The following ITGB3BP variants were observed in gnomAD, a reference collection of about 807,000 sequenced individuals.
ITGB3BP encodes the protein centromere protein R.
A neutral mutation model predicts 29.1 loss-of-function variants in ITGB3BP; 27 were observed. The ratio of observed to expected loss-of-function variants is 0.93; its 90% CI spans 0.68 to 1.28. ITGB3BP has a LOEUF of 1.28. Among genes scored for constraint, ITGB3BP ranks in the 50% most tolerant of loss-of-function variants. The pLI, the probability that ITGB3BP is intolerant of heterozygous loss-of-function variation, is 0.00. For synonymous variants in ITGB3BP, 61 were observed against 61.4 expected, an observed-to-expected ratio of 0.99 and a Z score of 0.03; for missense variants, 192 against 200.2, an observed-to-expected ratio of 0.96 and a Z score of 0.25.
chr1:63,493,088 A>ACACGCGCGCGCG (rs372348238), intron 2 of ITGB3BP, among the ~76,000 whole-genome samples: 237 of 148,820 alleles, frequency 1.6e-3, no homozygotes, highest in Admixed American at 3.8e-3. Context: ...ACACACACAC[A>ACACGCGCGCGCG]CGCGCGCGCG....
At chr1:63,503,517 T>G (rs1217201360) in intron 2 of ITGB3BP, among the ~76,000 whole-genome samples, 1 of 152,244 alleles carries the variant, frequency 6.6e-6, no homozygotes. Flanking sequence ...TTAGTTTAAT[T>G]AGATCCCATT....
intron 2 of ITGB3BP, among the ~76,000 whole-genome samples, chr1:63,494,344 C>T (rs1305699528): frequency 6.6e-6 from 1 of 152,166 alleles, no homozygotes; most frequent in Non-Finnish European, 1.5e-5. Flanking sequence ...GTCTCCAACT[C>T]CTGACCTCAA....
intron 7 of ITGB3BP, among the ~76,000 whole-genome samples, chr1:63,453,354 G>A (rs1644888140): frequency 6.6e-6 from 1 of 152,128 alleles, no homozygotes; most frequent in Non-Finnish European, 1.5e-5. Flanking sequence ...TCCTGTATTA[G>A]TCTAAAGGTT....
chr1:63,509,183 C>G (rs1646145053), intron 1 of ITGB3BP, among the ~76,000 whole-genome samples: 1 of 152,180 alleles, frequency 6.6e-6, no homozygotes, highest in Non-Finnish European at 1.5e-5. Flanking sequence ...GCCAGGCTCT[C>G]TGTGTGCAAA....
intron 3 of ITGB3BP, among the ~76,000 whole-genome samples, chr1:63,489,752 A>C (rs1171161264): frequency 6.6e-6 from 1 of 152,084 alleles, no homozygotes; most frequent in East Asian, 1.9e-4. Context: ...CAGCACCTGA[A>C]TTATGCTCCC....
At chr1:63,466,221 A>C (rs1269146176) in intron 4 of ITGB3BP, among the ~76,000 whole-genome samples, 1 of 152,176 alleles carries the variant, frequency 6.6e-6, no homozygotes, top group East Asian at 1.9e-4. Context: ...TTTTGTTTAC[A>C]TTTACCCAGA....
At chr1:63,482,073 G>C (rs546456561) in intron 3 of ITGB3BP, among the ~76,000 whole-genome samples, 1 of 151,996 alleles carries the variant, frequency 6.6e-6, no homozygotes, top group East Asian at 1.9e-4. Context: ...AGGAGTTTCA[G>C]ACCAGCCTGG....
intron 4 of ITGB3BP, among the ~76,000 whole-genome samples, chr1:63,459,721 G>C (rs1644986020): frequency 6.6e-6 from 1 of 151,834 alleles, no homozygotes; most frequent in African/African-American, 2.4e-5. Context: ...TAATTATCCG[G>C]GTTTTATAAC....
chr1:63,491,562 C>T (rs764022407), intron 2 of ITGB3BP, among the ~76,000 whole-genome samples: 1 of 152,136 alleles, frequency 6.6e-6, no homozygotes, highest in Non-Finnish European at 1.5e-5. Flanking sequence ...AGTTCCTTAA[C>T]TCTGCCTGGT....
At chr1:63,498,432 T>A (rs1645843362) in intron 2 of ITGB3BP, among the ~76,000 whole-genome samples, 1 of 152,020 alleles carries the variant, frequency 6.6e-6, no homozygotes, top group Non-Finnish European at 1.5e-5. Context: ...CACAAATATG[T>A]GTAAATCAAA....
At chr1:63,505,671 A>G (rs1357400912) in intron 2 of ITGB3BP, among the ~76,000 whole-genome samples, 1 of 151,948 alleles carries the variant, frequency 6.6e-6, no homozygotes, top group Non-Finnish European at 1.5e-5. Context: ...ATTTCCCTCT[A>G]CACACTGCTT....
intron 4 of ITGB3BP, among the ~76,000 whole-genome samples, chr1:63,462,586 T>C (rs1201834285): frequency 6.6e-6 from 1 of 152,248 alleles, no homozygotes; most frequent in South Asian, 2.1e-4. Context: ...ATATCTAAAA[T>C]TTTAAACAGT....
chr1:63,529,187 CTG>C (rs1181279132), intron 1 of ITGB3BP: 1 of 152,150 alleles, frequency 6.6e-6, no homozygotes, highest in African/African-American at 2.4e-5. Flanking sequence ...CAAAATAAAA[CTG>C]TGGGAATAAA....
upstream of ITGB3BP, among the ~76,000 whole-genome samples, chr1:63,527,636 T>G (rs1646618533): frequency 6.6e-6 from 1 of 152,196 alleles, no homozygotes; most frequent in Non-Finnish European, 1.5e-5. Context: ...ATCATCAAAC[T>G]TAATCATTAG....
At chr1:63,506,989 A>C (rs1646095362) in intron 2 of ITGB3BP, among the ~76,000 whole-genome samples, 1 of 152,208 alleles carries the variant, frequency 6.6e-6, no homozygotes, top group Non-Finnish European at 1.5e-5. Context: ...CTAAGTTGTT[A>C]CTAGAGTAGA....
Position 63,523,151 on chromosome 1 carries a change from C to G in ITGB3BP, c.-18G>C, listed in dbSNP as rs201986932. On this transcript the variant is annotated 5_prime_UTR_variant, in exon 1 of 9. Coordinates refer to ENST00000271002, the MANE Select transcript of ITGB3BP (RefSeq NM_014288.5). The stretch of plus-strand genomic sequence containing the variant: ...TACGGCATTCTGAGATTCGGGAAAG[C>G]ACCACTGCCGCTGAATAAAACGAAC... The G allele has an allele frequency of 2.1e-4, 341 of 1,613,988 alleles. 1 individual carries two copies. Among genetic ancestry groups the G allele is most frequent in the Admixed American group, 5.8e-4 (35 of 60,010 alleles).
At chr1:63,514,039 A>C (rs1646257904) in intron 1 of ITGB3BP, among the ~76,000 whole-genome samples, 1 of 152,204 alleles carries the variant, frequency 6.6e-6, no homozygotes, top group Admixed American at 6.5e-5. Context: ...GGCTCCCTCC[A>C]AGTCCATAAT....
At chr1:63,510,450 T>G (rs1368813198) in intron 1 of ITGB3BP, among the ~76,000 whole-genome samples, 1 of 152,132 alleles carries the variant, frequency 6.6e-6, no homozygotes, top group Non-Finnish European at 1.5e-5. Flanking sequence ...ACGTAAAAAA[T>G]AGTAAACAAG....
intron 2 of ITGB3BP, among the ~76,000 whole-genome samples, chr1:63,500,000 C>T (rs9436238): frequency 0.73 from 111,559 of 152,034 alleles, 42,995 homozygotes; most frequent in Non-Finnish European, 0.85. Context: ...GCAATGGGCA[C>T]GAAAAAGAAA....
Sources: allele counts gnomAD v4.1 joint callset (sites outside exome capture counted in the v4.1 genomes callset), GRCh38; gene constraint gnomAD v4.1.1; transcripts MANE v1.5; gene names NCBI Gene and HGNC (gene_info 2026-07-23, HGNC 2026-07-21).